Variants in DCP2 observed in about 807,000 individuals in gnomAD.
DCP2 encodes the protein decapping mRNA 2, also known as m7GpppN-mRNA hydrolase.
A neutral mutation model predicts 56.1 loss-of-function variants in DCP2; 30 were observed. That is an observed-to-expected ratio of 0.53 (90% CI 0.40 to 0.73). The LOEUF (loss-of-function observed/expected upper bound fraction) is 0.73, where lower values mean the gene tolerates loss of function less well. DCP2 is among the 30% of genes least tolerant of loss of function. DCP2 has a pLI of 0.00. For synonymous variants in DCP2, 197 were observed against 163.3 expected, an observed-to-expected ratio of 1.21 and a Z score of -1.57; for missense variants, 533 against 502.7, an observed-to-expected ratio of 1.06 and a Z score of -0.58.
At chr5:112,991,962 G>C (rs1278049044) in intron 2 of DCP2, among the ~76,000 whole-genome samples, 159 bp from the exon 3 acceptor site, 1 of 152,174 alleles carries the variant, frequency 6.6e-6, no homozygotes, top group Non-Finnish European at 1.5e-5. Flanking sequence ...GGGGTTACAG[G>C]TGTGAGCCAT....
intron 2 of DCP2, among the ~76,000 whole-genome samples, chr5:112,989,078 A>G (rs945386128): frequency 1.3e-5 from 2 of 152,234 alleles, no homozygotes; most frequent in Non-Finnish European, 1.5e-5. Flanking sequence ...TATGCAGTGA[A>G]GAGAGTAGAC....
intron 2 of DCP2, among the ~76,000 whole-genome samples, chr5:112,990,197 AC>A (rs1748515915): frequency 6.6e-6 from 1 of 152,170 alleles, no homozygotes; most frequent in Admixed American, 6.5e-5. Flanking sequence ...AGTAGAGAAG[AC>A]TGCATACTTT....
In DCP2 at chr5:113,013,178, T is replaced by C. The variant is rs950471970; in HGVS notation, c.1100-143T>C. The C allele has an allele frequency of 3.3e-5, 23 of 695,870 alleles. No homozygotes were observed. The African/African-American group carries it at 3.6e-4, about 11-fold the overall frequency. 43.1% of individuals were successfully genotyped at this position (695,870 alleles called of 1,614,324 possible). ...CAGTTTATGGAAAGGAAAATACATA[T>C]TTTGGTGGTTCTGTTTAGGGTTAGA... On this transcript the variant is annotated intron_variant, in intron 10 of 10. Coordinates refer to ENST00000389063, the MANE Select transcript of DCP2 (RefSeq NM_152624.6).
At chr5:113,000,061 CAAAAAA>C (rs60251393) in intron 4 of DCP2, among the ~76,000 whole-genome samples, 4 of 89,956 alleles carry the variant, frequency 4.4e-5, no homozygotes, top group African/African-American at 1.7e-4. Context: ...AACTCCATCT[CAAAAAA>C]AAAAAAAAAA....
rs1055037629 is a variant in DCP2, at chr5:113,000,812, T to C, written c.433-272T>C. On this transcript the variant is annotated intron_variant, in intron 4 of 10. Transcript: ENST00000389063. ...TCAGAATTTTATTCTGGGAAAGATA[T>C]ATAGTTTGTGTGTGTTTGAATGTCA... Among the ~76,000 whole-genome samples, 8 of 152,210 alleles carry C rather than the reference T, an allele frequency of 5.3e-5. No homozygotes were observed. In the East Asian group the frequency reaches 5.8e-4, roughly 11 times the overall value.
chr5:113,011,337 C>G (rs372708310), intron 10 of DCP2, among the ~76,000 whole-genome samples: 21 of 152,180 alleles, frequency 1.4e-4, no homozygotes, highest in African/African-American at 4.8e-4. Flanking sequence ...AAGATACTTG[C>G]AATTTCTCCT....
intron 8 of DCP2, among the ~76,000 whole-genome samples, chr5:113,006,157 AT>A: frequency 1.3e-5 from 2 of 152,174 alleles, no homozygotes; most frequent in Middle Eastern, 6.8e-3. Context: ...GCATGCTACA[AT>A]ATGGGTAAAC....
intron 4 of DCP2, among the ~76,000 whole-genome samples, chr5:112,994,844 A>C (rs910912880): frequency 7.2e-5 from 11 of 152,214 alleles, no homozygotes; most frequent in African/African-American, 2.4e-4. Flanking sequence ...GTCCATTAGA[A>C]GTAATATCTT....
At chr5:112,997,275 T>C (rs184107876) in intron 4 of DCP2, among the ~76,000 whole-genome samples, 80 of 152,348 alleles carry the variant, frequency 5.3e-4, no homozygotes, top group African/African-American at 1.8e-3. Context: ...AAAGATGTTT[T>C]CTAGATATTG....
Position 113,016,375 on chromosome 5 carries a change from G to A in DCP2, c.*2891G>A, listed in dbSNP as rs763603206. The A allele has an allele frequency of 6.6e-6, 1 of 152,352 alleles. No individual in the cohort carries two copies. The highest frequency in any genetic ancestry group is 1.5e-5 in the Non-Finnish European group (1 of 68,020). The allele number at this position is 152,352 out of a possible 1,614,324, so 9.4% of individuals were successfully genotyped here. Reference sequence around the variant, plus strand: ...AATGAAGTTGGATTTTTGTATTCATGTATAAAGGAAAGTCTCCCAGTGCTG... The same window carrying A: ...AATGAAGTTGGATTTTTGTATTCATATATAAAGGAAAGTCTCCCAGTGCTG... On this transcript the variant is annotated 3_prime_UTR_variant, in exon 11 of 11. Transcript: ENST00000389063.
chr5:112,992,677 A>T lies in DCP2; in HGVS notation c.339A>T (p.Leu113=). The change falls in exon 4 of 11, where the codon CTA becomes CTT. Residue 113 remains leucine (L), a synonymous_variant. Coordinates refer to ENST00000389063, the MANE Select transcript of DCP2 (RefSeq NM_152624.6). ...IILDETLENV[L]LVQGYLAKSG... ...TACTTCTGCTTGTTTTGTAGGTACTACTAGTTCAGGGGTACCTAGCAAAAT... is the reference window on the plus strand; with the variant it reads ...TACTTCTGCTTGTTTTGTAGGTACTTCTAGTTCAGGGGTACCTAGCAAAAT... 6.3e-7 allele frequency: 1 copy of T among 1,576,016 alleles called. No homozygotes were observed. Among genetic ancestry groups the T allele is most frequent in the Non-Finnish European group, 8.6e-7 (1 of 1,165,900 alleles).
At chr5:112,991,544 C>T (rs1748587286) in intron 2 of DCP2, among the ~76,000 whole-genome samples, 1 of 152,130 alleles carries the variant, frequency 6.6e-6, no homozygotes, top group Non-Finnish European at 1.5e-5. Flanking sequence ...AAGTGTTCTT[C>T]ATTATGGAAA....
intron 10 of DCP2, among the ~76,000 whole-genome samples, chr5:113,012,590 G>C (rs969381736): frequency 6.6e-6 from 1 of 152,034 alleles, no homozygotes; most frequent in East Asian, 1.9e-4. Flanking sequence ...AGATAAATTG[G>C]AGTTTTGTTG....
chr5:113,020,200 A>G lies in DCP2; in HGVS notation c.*6716A>G, dbSNP rs1210910522. 1.3e-5 allele frequency: 2 copies of G among 152,256 alleles called. No homozygotes were observed. Among genetic ancestry groups the G allele is most frequent in the Non-Finnish European group, 2.9e-5 (2 of 68,028 alleles). The allele number at this position is 152,256 out of a possible 1,614,324, so 9.4% of individuals were successfully genotyped here. A position where few individuals can be genotyped will look rare whatever the true frequency, so the allele number is the denominator to read the frequency against. On this transcript the variant is annotated 3_prime_UTR_variant, in exon 11 of 11. Transcript: ENST00000389063. ...TGTTTCACTAAATATATTATGGTCA[A>G]TGAAAAAACCAGACTTTAGAGTAAA...
chr5:113,013,242 T>A, intron 10 of DCP2, 79 bp from the exon 11 acceptor site: 1 of 1,442,966 alleles, frequency 6.9e-7, no homozygotes, highest in Non-Finnish European at 9.3e-7. Context: ...CTAATTGTTT[T>A]GTAACAAAAG....
chr5:112,977,328 T>C (rs1360071279), intron 1 of DCP2, among the ~76,000 whole-genome samples: 3 of 152,180 alleles, frequency 2.0e-5, no homozygotes, highest in Non-Finnish European at 4.4e-5. Context: ...TCCCATTGTT[T>C]TTTCTGCCTC....
intron 7 of DCP2, 130 bp from the exon 8 acceptor site, chr5:113,003,812 A>G (rs1749291432): frequency 9.6e-7 from 1 of 1,041,198 alleles, no homozygotes; most frequent in East Asian, 2.6e-5. Flanking sequence ...CTCTCATAGA[A>G]CTTACATTCC....
At chr5:113,007,870 TG>T in intron 8 of DCP2, 67 bp from the exon 9 acceptor site, 1 of 1,361,594 alleles carries the variant, frequency 7.3e-7, no homozygotes, top group Non-Finnish European at 1.0e-6. Context: ...AACATATTCA[TG>T]GGGTATTTTT....
chr5:112,984,703 A>AAAAAATATATATAT, intron 1 of DCP2: 7 of 64,856 alleles, frequency 1.1e-4, no homozygotes, highest in African/African-American at 5.5e-4. Context: ...AAAAAAAAAA[A>AAAAAATATATATAT]ATATATATAT....
Sources: allele counts gnomAD v4.1 joint callset (sites outside exome capture counted in the v4.1 genomes callset), GRCh38; gene constraint gnomAD v4.1.1; transcripts MANE v1.5; gene names NCBI Gene and HGNC (gene_info 2026-07-23, HGNC 2026-07-21).